Variants in DPP10 observed in about 807,000 individuals in gnomAD.
DPP10 encodes the protein inactive dipeptidyl peptidase 10.
A neutral mutation model predicts 120.9 loss-of-function variants in DPP10; 33 were observed. That is an observed-to-expected ratio of 0.27 (90% confidence interval 0.21 to 0.37). The LOEUF is 0.37. Ranked by LOEUF, DPP10 falls within the 10% of genes least tolerant of loss-of-function variation. The pLI, the probability that DPP10 is intolerant of heterozygous loss-of-function variation, is 1.00. For synonymous variants in DPP10, 337 were observed against 326.1 expected (o/e 1.03, Z -0.36); for missense variants, 816 against 942.8 (o/e 0.87, Z 1.76).
At chr2:115,531,940 GT>G (rs2078494154) in intron 5 of DPP10, among the ~76,000 whole-genome samples, 1 of 152,014 alleles carries the variant, frequency 6.6e-6, no homozygotes. Flanking sequence ...AAATATATCC[GT>G]AGTTTTCAAG....
chr2:115,377,643 A>C (rs1381415346), intron 3 of DPP10, among the ~76,000 whole-genome samples: 3 of 152,110 alleles, frequency 2.0e-5, no homozygotes, highest in Non-Finnish European at 4.4e-5. Context: ...TATGTCCTGA[A>C]TGGTAATGCC....
chr2:115,422,246 G>A (rs887537838), intron 3 of DPP10, among the ~76,000 whole-genome samples: 2 of 152,162 alleles, frequency 1.3e-5, no homozygotes, highest in Admixed American at 6.5e-5. Flanking sequence ...TTGTTATACC[G>A]ATATTTATAG....
At chr2:115,627,360 G>A (rs982122329) in intron 5 of DPP10, among the ~76,000 whole-genome samples, 2 of 152,010 alleles carry the variant, frequency 1.3e-5, no homozygotes, top group East Asian at 1.9e-4. Flanking sequence ...CTCAGCTAGG[G>A]GAGGAGAGCA....
intron 1 of DPP10, among the ~76,000 whole-genome samples, chr2:115,119,776 T>C (rs186536295): frequency 3.3e-4 from 50 of 152,266 alleles, no homozygotes; most frequent in Admixed American, 1.2e-3. Flanking sequence ...TTGAGGATTA[T>C]TTGGAATTTG....
At chr2:114,948,810 G>T (rs1449407186) in intron 1 of DPP10, among the ~76,000 whole-genome samples, 1 of 152,144 alleles carries the variant, frequency 6.6e-6, no homozygotes, top group Non-Finnish European at 1.5e-5. Context: ...TGACAGTTCT[G>T]TGTGGCCGAG....
intron 1 of DPP10, among the ~76,000 whole-genome samples, chr2:114,672,720 G>A (rs1023901712): frequency 1.3e-5 from 2 of 152,110 alleles, no homozygotes; most frequent in Non-Finnish European, 2.9e-5. Flanking sequence ...ATTCGTAGGA[G>A]ATTGTCTGAT....
intron 1 of DPP10, among the ~76,000 whole-genome samples, chr2:114,788,978 T>C (rs1382986445): frequency 6.6e-6 from 1 of 152,132 alleles, no homozygotes; most frequent in African/African-American, 2.4e-5. Context: ...GGGATGATGA[T>C]ATCAACTCCA....
intron 1 of DPP10, among the ~76,000 whole-genome samples, chr2:114,581,474 C>T (rs756575899): frequency 4.6e-4 from 70 of 152,202 alleles, no homozygotes; most frequent in African/African-American, 1.5e-3. Context: ...TGAGCCACCA[C>T]GCCCAGCCAA....
chr2:114,620,917 G>A (rs1227151397), intron 1 of DPP10, among the ~76,000 whole-genome samples: 2 of 152,042 alleles, frequency 1.3e-5, no homozygotes, highest in East Asian at 1.9e-4. Flanking sequence ...GAATCTGGTG[G>A]AATTGGTAAA....
intron 1 of DPP10, among the ~76,000 whole-genome samples, chr2:114,829,496 G>A (rs1452662586): frequency 1.4e-5 from 2 of 147,692 alleles, no homozygotes; most frequent in Non-Finnish European, 3.0e-5. Flanking sequence ...CAATTCTCCC[G>A]CCTAAGCCTC....
At chr2:115,615,374 C>T (rs2084412975) in intron 5 of DPP10, among the ~76,000 whole-genome samples, 1 of 152,064 alleles carries the variant, frequency 6.6e-6, no homozygotes, top group Admixed American at 6.6e-5. Flanking sequence ...TTTTGAGTCC[C>T]CCCAAAATGG....
intron 3 of DPP10, among the ~76,000 whole-genome samples, chr2:115,488,743 G>A (rs1330382179): frequency 8.0e-6 from 1 of 124,234 alleles, no homozygotes. Flanking sequence ...GGTCGGGGGA[G>A]GGGGGAGGGA....
chr2:115,512,169 T>C (rs956781107), intron 4 of DPP10, among the ~76,000 whole-genome samples: 8 of 151,946 alleles, frequency 5.3e-5, no homozygotes, highest in Non-Finnish European at 7.4e-5. Context: ...GTTGTGATCA[T>C]GGCTCACTGT....
intron 1 of DPP10, among the ~76,000 whole-genome samples, chr2:114,983,880 C>T (rs1254991962): frequency 6.6e-6 from 1 of 152,186 alleles, no homozygotes; most frequent in Non-Finnish European, 1.5e-5. Flanking sequence ...TACCTGTTGT[C>T]ATACAGGCAG....
At chr2:115,402,852 A>ATATATATAT (rs70941056) in intron 3 of DPP10, among the ~76,000 whole-genome samples, 18 of 56,946 alleles carry the variant, frequency 3.2e-4, no homozygotes, top group African/African-American at 8.4e-4. Flanking sequence ...GAAAAAAAAA[A>ATATATATAT]AAATATATAT....
chr2:114,603,518 G>C (rs1692543433), intron 1 of DPP10, among the ~76,000 whole-genome samples: 1 of 151,990 alleles, frequency 6.6e-6, no homozygotes, highest in Non-Finnish European at 1.5e-5. Context: ...TAAGACATAG[G>C]AGGGCATTTG....
chr2:114,839,594 C>A (rs1168674623), intron 1 of DPP10, among the ~76,000 whole-genome samples: 2 of 152,166 alleles, frequency 1.3e-5, no homozygotes, highest in African/African-American at 4.8e-5. Flanking sequence ...CAAGGAAATT[C>A]TTTCACTTAT....
chr2:115,813,006 G>C (rs961541639), intron 19 of DPP10, among the ~76,000 whole-genome samples: 1 of 108,014 alleles, frequency 9.3e-6, no homozygotes, highest in African/African-American at 4.1e-5. Context: ...ACGGAGTCTC[G>C]CTCTGTCGCC....
rs373301034 is a variant in DPP10, at chr2:115,078,077, A to C, written c.61-231162A>C. On this transcript the variant is annotated intron_variant, in intron 1 of 25. Coordinates refer to ENST00000410059, the MANE Select transcript of DPP10 (RefSeq NM_020868.6). ...ACTTCTCTATCATTATCCACCTCAT[A>C]AAGGCCTGAGACAATCACACTCATC... Among the ~76,000 whole-genome samples, 7 of 152,336 alleles carry C rather than the reference A, an allele frequency of 4.6e-5. No individual in the cohort carries two copies. In the South Asian group the frequency reaches 1.4e-3, roughly 32 times the overall value.
Sources: allele counts gnomAD v4.1 joint callset (sites outside exome capture counted in the v4.1 genomes callset), GRCh38; gene constraint gnomAD v4.1.1; transcripts MANE v1.5; gene names NCBI Gene and HGNC (gene_info 2026-07-23, HGNC 2026-07-21).